The following TENM4 variants were observed in gnomAD, a reference collection of about 807,000 sequenced individuals.
TENM4 encodes the protein teneurin transmembrane protein 4.
A neutral mutation model predicts 243.3 loss-of-function variants in TENM4; 82 were observed. The observed-to-expected ratio is 0.34, with a 90% CI of 0.28 to 0.40. The LOEUF is 0.40. Ranked by LOEUF, TENM4 falls within the 10% of genes least tolerant of loss-of-function variation. The probability of loss-of-function intolerance (pLI) is 1.00; values close to 1 mark genes in which losing one functional copy is unlikely to be tolerated. For synonymous variants in TENM4, 1,412 were observed against 1,456.3 expected, an observed-to-expected ratio of 0.97 and a Z score of 0.69; for missense variants, 3,138 against 3,673.3, an observed-to-expected ratio of 0.85 and a Z score of 3.77.
At chr11:79,068,468 A>C (rs1414441650) in intron 5 of TENM4, 1 of 152,142 alleles carries the variant, frequency 6.6e-6, no homozygotes, top group Non-Finnish European at 1.5e-5. Flanking sequence ...TGTGGGAGAG[A>C]ATGGAAATGA....
At chr11:79,029,298 G>T (rs1859165997) in intron 6 of TENM4, among the ~76,000 whole-genome samples, 1 of 152,160 alleles carries the variant, frequency 6.6e-6, no homozygotes, top group Admixed American at 6.5e-5. Flanking sequence ...TTCCAGAACT[G>T]CAATCTTTCC....
At chr11:78,772,858 G>A (rs759355563) in intron 17 of TENM4, among the ~76,000 whole-genome samples, 2 of 152,216 alleles carry the variant, frequency 1.3e-5, no homozygotes, top group African/African-American at 4.8e-5. Flanking sequence ...AGTTAGAAGT[G>A]TATGTAGACT....
At chr11:79,220,290 A>G (rs1395245745) in intron 2 of TENM4, among the ~76,000 whole-genome samples, 1 of 152,226 alleles carries the variant, frequency 6.6e-6, no homozygotes, top group Non-Finnish European at 1.5e-5. Context: ...AACATGGGAC[A>G]CAGTGATAGG....
intron 12 of TENM4, among the ~76,000 whole-genome samples, chr11:78,823,317 C>A (rs1410804363): frequency 6.6e-6 from 1 of 152,228 alleles, no homozygotes; most frequent in Non-Finnish European, 1.5e-5. Context: ...GTTCCCACTG[C>A]CCACAGCTGA....
intron 2 of TENM4, among the ~76,000 whole-genome samples, chr11:79,245,757 T>C (rs1287808267): frequency 2.0e-5 from 3 of 151,594 alleles, no homozygotes; most frequent in Admixed American, 2.0e-4. Context: ...CTGGCCAACA[T>C]GGTGAAACCC....
At chr11:79,150,626 ACTT>A (rs1232661507) in intron 3 of TENM4, among the ~76,000 whole-genome samples, 2 of 152,100 alleles carry the variant, frequency 1.3e-5, no homozygotes, top group East Asian at 1.9e-4. Context: ...TATTCCAGAC[ACTT>A]CTTCTCAATC....
At chr11:79,336,936 C>G (rs954044552) in intron 1 of TENM4, among the ~76,000 whole-genome samples, 1 of 152,140 alleles carries the variant, frequency 6.6e-6, no homozygotes, top group Non-Finnish European at 1.5e-5. Context: ...AGACCCAGCC[C>G]CACTCAGGGG....
chr11:79,065,043 T>C, intron 5 of TENM4, 36 bp from the exon 6 acceptor site: 2 of 1,447,970 alleles, frequency 1.4e-6, no homozygotes, highest in Non-Finnish European at 9.1e-7. Flanking sequence ...GTTAGGGCAC[T>C]GAGATGAGGT....
At chr11:78,974,299 T>C (rs186038151) in intron 6 of TENM4, among the ~76,000 whole-genome samples, 1 of 152,286 alleles carries the variant, frequency 6.6e-6, no homozygotes. Flanking sequence ...TTCTACATTT[T>C]ACACAGGATT....
At chr11:78,868,197 G>A (rs1859034291) in intron 9 of TENM4, among the ~76,000 whole-genome samples, 1 of 152,004 alleles carries the variant, frequency 6.6e-6, no homozygotes. Context: ...AAGAATGAAC[G>A]GTAACTACTC....
chr11:79,112,755 T>G (rs1187026895), intron 4 of TENM4, among the ~76,000 whole-genome samples: 2 of 152,066 alleles, frequency 1.3e-5, no homozygotes, highest in African/African-American at 4.8e-5. Context: ...CTGGACTCCC[T>G]GCTGTTCCAC....
rs1330929459 is a variant in TENM4, at chr11:78,814,291, C to T, written c.1783+3G>A. The T allele has an allele frequency of 6.5e-7, 1 of 1,549,828 alleles. No individual in the cohort carries two copies. Among genetic ancestry groups the T allele is most frequent in the South Asian group, 1.2e-5 (1 of 83,960 alleles). Reference sequence around the variant, plus strand: ...ATCCAGAGCTCCAATGCAGAGTTCTCACCTCTGCCACAGTCGGGGCCCAGG... The same window carrying T: ...ATCCAGAGCTCCAATGCAGAGTTCTTACCTCTGCCACAGTCGGGGCCCAGG... On this transcript the variant is annotated splice_donor_region_variant and intron_variant, in intron 13 of 33. Coordinates refer to ENST00000278550, the MANE Select transcript of TENM4 (RefSeq NM_001098816.3).
At chr11:79,418,484 A>G (rs1406131114) in intron 1 of TENM4, among the ~76,000 whole-genome samples, 1 of 152,230 alleles carries the variant, frequency 6.6e-6, no homozygotes, top group African/African-American at 2.4e-5. Flanking sequence ...CTGGCTCTAA[A>G]CGCCAATTCT....
At position 78,865,810 on chromosome 11, in the gene TENM4, GA is replaced by G. The variant is rs376270721; in HGVS notation, c.1085-2679del. On this transcript the variant is annotated intron_variant, in intron 9 of 33. Transcript: ENST00000278550. ...CAGGAGAAGGTGTGTGGGACCAGAG[GA>G]AAGAAACTAGTTTTGAATCTCAGCT... is the stretch of plus-strand genomic sequence containing the variant. 3.9e-3 allele frequency among the ~76,000 whole-genome samples: 599 copies of G among 152,294 alleles called. 2 individuals carry two copies. The highest frequency in any genetic ancestry group is 9.8e-3 in the East Asian group (51 of 5,188).
chr11:79,411,313 G>C (rs1026440373), intron 1 of TENM4, among the ~76,000 whole-genome samples: 80 of 152,252 alleles, frequency 5.3e-4, no homozygotes, highest in African/African-American at 1.9e-3. Context: ...GTGCTAAATG[G>C]CTCTCCCCTT....
chr11:79,138,842 T>C (rs1862180883), intron 4 of TENM4, among the ~76,000 whole-genome samples: 1 of 119,876 alleles, frequency 8.3e-6, no homozygotes, highest in Non-Finnish European at 1.6e-5. Flanking sequence ...ATACATTATA[T>C]TTATATAAAT....
chr11:79,017,612 G>T (rs11237688), intron 6 of TENM4, among the ~76,000 whole-genome samples: 27,990 of 152,132 alleles, frequency 0.18, 2,801 homozygotes, highest in Non-Finnish European at 0.23. Context: ...CTAATACTTT[G>T]TAACTACATA....
chr11:78,868,314 T>G (rs1859037336), intron 9 of TENM4, among the ~76,000 whole-genome samples: 1 of 152,180 alleles, frequency 6.6e-6, no homozygotes, highest in Non-Finnish European at 1.5e-5. Flanking sequence ...CCTAGATAAG[T>G]AACTTGATAC....
At chr11:79,275,157 A>G (rs1448183349) in intron 2 of TENM4, among the ~76,000 whole-genome samples, 2 of 152,134 alleles carry the variant, frequency 1.3e-5, no homozygotes, top group Non-Finnish European at 2.9e-5. Flanking sequence ...AAAATCACCA[A>G]GTTAAAATCT....
Sources: gnomAD v4.1 joint callset for allele counts (sites outside exome capture counted in the v4.1 genomes callset) on GRCh38, gnomAD v4.1.1 for gene constraint, MANE v1.5 for transcripts, NCBI Gene and HGNC (gene_info 2026-07-23, HGNC 2026-07-21) for gene names.